Variants in KRT20 observed in about 807,000 individuals in gnomAD.
KRT20 encodes keratin, type I cytoskeletal 20.
Under a neutral mutation model 43.0 loss-of-function variants are expected in KRT20, and 41 were observed. The observed-to-expected ratio is 0.95, with a 90% CI of 0.74 to 1.24. The LOEUF (loss-of-function observed/expected upper bound fraction) is 1.24. Ranked by LOEUF, KRT20 falls within the 50% of genes most tolerant of loss-of-function variation. The pLI, the probability that KRT20 is intolerant of heterozygous loss-of-function variation, is 0.00. For synonymous variants in KRT20, 207 were observed against 200.6 expected, an observed-to-expected ratio of 1.03 and a Z score of -0.27; for missense variants, 533 against 521.2, an observed-to-expected ratio of 1.02 and a Z score of -0.22.
chr17:40,882,040 T>C (rs1789784472), intron 2 of KRT20, among the ~76,000 whole-genome samples: 2 of 152,242 alleles, frequency 1.3e-5, no homozygotes, highest in South Asian at 2.1e-4. Context: ...GCCCAGCTAA[T>C]TATTATAGAT....
intron 1 of KRT20, among the ~76,000 whole-genome samples, chr17:40,882,967 C>T (rs1188316681): frequency 6.6e-6 from 1 of 152,110 alleles, no homozygotes; most frequent in African/African-American, 2.4e-5. Flanking sequence ...GCCTCGGCCT[C>T]CCAAAGTGCT....
intron 1 of KRT20, 36 bp from the exon 2 acceptor site, chr17:40,882,690 T>C (rs191508416): frequency 3.0e-6 from 1 of 333,350 alleles, no homozygotes; most frequent in South Asian, 7.8e-5. Context: ...CATTTTCTTT[T>C]TTATTTATTT....
At chr17:40,876,590 C>G (rs1443228166) in intron 7 of KRT20, 132 bp from the exon 8 acceptor site, 2 of 482,508 alleles carry the variant, frequency 4.1e-6, no homozygotes, top group African/African-American at 3.9e-5. Context: ...CATCCTCTTT[C>G]TCAAAAAATC....
chr17:40,880,578 C>A, intron 3 of KRT20, 36 bp downstream of exon 3: 1 of 1,581,024 alleles, frequency 6.3e-7, no homozygotes, highest in East Asian at 2.2e-5. Flanking sequence ...AGAACCATTC[C>A]ATTGTTTCCA....
At chr17:40,876,499 G>T in intron 7 of KRT20, 41 bp from the exon 8 acceptor site, 1 of 1,136,430 alleles carries the variant, frequency 8.8e-7, no homozygotes, top group East Asian at 2.3e-5. Context: ...TCAGGCACAT[G>T]ACTCTGCTGA....
chr17:40,877,321 A>G, intron 7 of KRT20, 59 bp downstream of exon 7: 2 of 1,157,890 alleles, frequency 1.7e-6, no homozygotes, highest in Non-Finnish European at 2.5e-6. Context: ...TATCAGTGGC[A>G]TGTAGTTAAT....
Position 40,885,084 on chromosome 17 carries a change from G to T in KRT20, c.102C>A (p.Ser34Arg), listed in dbSNP as rs775867805. ...CCCGGCCTCCAGCACCCCCATAAAC[G>T]CTGGGTGTCGTCCCGAGGCGCTGCA... is the stretch of plus-strand genomic sequence containing the variant. ...VGMQRLGTTP[S>R]VYGGAGGRGI... is the part of the protein sequence containing the mutation. Residue 34 changes from serine to arginine, a missense_variant, in exon 1 of 8, where the codon AGC becomes AGA. Ser to Arg is a moderately radical substitution (Grantham distance 110). Transcript: ENST00000167588. 6 of 1,613,992 alleles carry T rather than the reference G, an allele frequency of 3.7e-6. No homozygotes were observed. In the East Asian group the frequency reaches 1.1e-4, roughly 30 times the overall value.
In KRT20 at chr17:40,882,596, A is replaced by G. The variant is rs1464999885; in HGVS notation, c.449T>C (p.Leu150Pro). The G allele has an allele frequency of 1.3e-6, 2 of 1,570,980 alleles. No individual in the cohort carries two copies. Among genetic ancestry groups the G allele is most frequent in the African/African-American group, 1.4e-5 (1 of 73,928 alleles). The change falls in exon 2 of 8, where the codon CTG becomes CCG. Residue 150 changes from leucine to proline, a missense_variant. Transcript: ENST00000167588. Reference sequence around the variant, plus strand: ...CTTCAGTCTGAAGTCCTCAGCAGCCAGTTTAGCATTATCAATTTGCAGGAC... The same window carrying G: ...CTTCAGTCTGAAGTCCTCAGCAGCCGGTTTAGCATTATCAATTTGCAGGAC... The part of the protein sequence containing the change: ...RCVLQIDNAK[L>P]AAEDFRLKYE...
chr17:40,881,879 C>CTTTTT (rs112248312), intron 2 of KRT20, among the ~76,000 whole-genome samples: 1 of 146,224 alleles, frequency 6.8e-6, no homozygotes, highest in African/African-American at 2.5e-5. Flanking sequence ...TTCTTTCTTC[C>CTTTTT]TTTTTTTTTT....
In KRT20 at chr17:40,885,090, T is replaced by G; in HGVS notation, c.96A>C (p.Thr32=). The G allele has an allele frequency of 1.2e-6, 2 of 1,614,078 alleles. No homozygotes were observed. The highest frequency in any genetic ancestry group is 1.7e-6 in the Non-Finnish European group (2 of 1,180,016). Residue 32 remains threonine (T), a synonymous_variant, in exon 1 of 8, where the codon ACA becomes ACC. Coordinates refer to ENST00000167588, the MANE Select transcript of KRT20 (RefSeq NM_019010.3). ...CTCCAGCACCCCCATAAACGCTGGG[T>G]GTCGTCCCGAGGCGCTGCATGCCCA... ...STVGMQRLGT[T]PSVYGGAGGR...
In KRT20 at chr17:40,882,561, A is replaced by G; in HGVS notation, c.473+11T>C. On this transcript the variant is annotated intron_variant, in intron 2 of 7. Coordinates refer to ENST00000167588, the MANE Select transcript of KRT20 (RefSeq NM_019010.3). ...TTTTCAGAAACTTTTGCCACGTATT[A>G]GGGAACCTACTTCAGTCTGAAGTCC... 1.3e-6 allele frequency: 2 copies of G among 1,516,224 alleles called. No individual in the cohort carries two copies. The highest frequency in any genetic ancestry group is 2.4e-5 in the East Asian group (1 of 42,270). 93.9% of individuals were successfully genotyped at this position (1,516,224 alleles called of 1,614,324 possible).
chr17:40,879,784 T>C lies in KRT20; in HGVS notation c.918+29A>G, dbSNP rs200130907. ...AGGACCTTGGTAAACACATACTAGA[T>C]TGAGAAAGAGAAGTTAGATATGCTT... On this transcript the variant is annotated intron_variant, in intron 5 of 7. Coordinates refer to ENST00000167588, the MANE Select transcript of KRT20 (RefSeq NM_019010.3). 8.1e-6 allele frequency: 13 copies of C among 1,611,722 alleles called. No individual in the cohort carries two copies. The Admixed American group carries it at 1.8e-4, about 23-fold the overall frequency.
At chr17:40,880,286 A>G in intron 3 of KRT20, 25 bp from the exon 4 acceptor site, 1 of 1,579,338 alleles carries the variant, frequency 6.3e-7, no homozygotes. Context: ...TTTCTGATTG[A>G]TTTTAGTCTG....
At position 40,880,753 on chromosome 17, in the gene KRT20, C is replaced by G. The variant is rs200917901; in HGVS notation, c.491G>C (p.Gly164Ala). 9.4e-5 allele frequency: 146 copies of G among 1,559,512 alleles called. No homozygotes were observed. The highest frequency in any genetic ancestry group is 8.9e-4 in the East Asian group (39 of 43,996). ...DFRLKYETER[G>A]IRLTVEADLQ... ...ATCAGCTTCCACTGTTAGACGTATT[C>G]CTCTCTCAGTCTCATACCTGTGAAT... Residue 164 changes from glycine (G) to alanine (A), a missense_variant, in exon 3 of 8, where the codon GGA becomes GCA. Coordinates refer to ENST00000167588, the MANE Select transcript of KRT20 (RefSeq NM_019010.3).
intron 1 of KRT20, 37 bp from the exon 2 acceptor site, chr17:40,882,691 T>A: frequency 4.3e-6 from 2 of 459,990 alleles, no homozygotes; most frequent in Non-Finnish European, 6.2e-6. Flanking sequence ...ATTTTCTTTT[T>A]TATTTATTTA....
At chr17:40,882,122 C>G (rs1248502907) in intron 2 of KRT20, among the ~76,000 whole-genome samples, 2 of 152,128 alleles carry the variant, frequency 1.3e-5, no homozygotes, top group African/African-American at 2.4e-5. Context: ...AAGAGTCACC[C>G]CTGGAACTTG....
intron 1 of KRT20, among the ~76,000 whole-genome samples, chr17:40,883,732 C>T (rs1203033490): frequency 6.6e-6 from 1 of 152,244 alleles, no homozygotes; most frequent in African/African-American, 2.4e-5. Context: ...CTGTGTATTT[C>T]AGATGAACCA....
At chr17:40,880,551 T>A in intron 3 of KRT20, 63 bp downstream of exon 3, 2 of 1,415,420 alleles carry the variant, frequency 1.4e-6, no homozygotes, top group South Asian at 2.4e-5. Context: ...CCGCTCCTCC[T>A]ATTATTAGTA....
At chr17:40,884,377 C>T (rs1217305127) in intron 1 of KRT20, among the ~76,000 whole-genome samples, 8 of 152,114 alleles carry the variant, frequency 5.3e-5, no homozygotes, top group African/African-American at 1.9e-4. Flanking sequence ...ATAACATTTA[C>T]TTAAATAAAA....
Sources: allele counts gnomAD v4.1 joint callset (sites outside exome capture counted in the v4.1 genomes callset), GRCh38; gene constraint gnomAD v4.1.1; transcripts MANE v1.5; gene names NCBI Gene and HGNC (gene_info 2026-07-23, HGNC 2026-07-21).